The following ERO1A variants were observed in gnomAD, a reference collection of about 807,000 sequenced individuals.
The protein encoded by ERO1A is ERO1-like protein alpha.
ERO1A carries 49 observed loss-of-function variants against 76.9 expected under a neutral mutation model. The observed-to-expected ratio is 0.64, with a 90% CI of 0.51 to 0.81. The LOEUF is 0.81. Among genes scored for constraint, ERO1A ranks in the 30% least tolerant of loss-of-function variants. ERO1A has a pLI of 0.00. For synonymous variants in ERO1A, 174 were observed against 181.2 expected, an observed-to-expected ratio of 0.96 and a Z score of 0.32; for missense variants, 448 against 542.1, an observed-to-expected ratio of 0.83 and a Z score of 1.72.
intron 4 of ERO1A, among the ~76,000 whole-genome samples, chr14:52,674,195 G>A (rs956312989): frequency 9.2e-5 from 14 of 152,022 alleles, no homozygotes; most frequent in African/African-American, 3.1e-4. Flanking sequence ...TCAGTCTATC[G>A]ATTAAATGAA....
chr14:52,689,707 C>T (rs1566648642), intron 1 of ERO1A, among the ~76,000 whole-genome samples: 1 of 152,002 alleles, frequency 6.6e-6, no homozygotes, highest in East Asian at 1.9e-4. Flanking sequence ...AAGCCCATAC[C>T]ACCCAAAGTG....
chr14:52,690,638 T>G (rs751096995), intron 1 of ERO1A, among the ~76,000 whole-genome samples: 12 of 151,974 alleles, frequency 7.9e-5, no homozygotes, highest in Middle Eastern at 3.4e-3. Flanking sequence ...GAGGCAGAGT[T>G]TGCAGTGAGC....
At position 52,685,538 on chromosome 14, in the gene ERO1A, G is replaced by A. The variant is rs567012992; in HGVS notation, c.115-1631C>T. Among the ~76,000 whole-genome samples the A allele has an allele frequency of 2.0e-5, 3 of 152,202 alleles. No homozygotes were observed. In the East Asian group the frequency reaches 5.8e-4, roughly 29 times the overall value. On this transcript the variant is annotated intron_variant, in intron 1 of 15. Transcript: ENST00000395686. ...AATAGCTGTTTCTCCCCTTTGATAT[G>A]AATTATTATGCAAAGAATGACAGAC...
intron 11 of ERO1A, among the ~76,000 whole-genome samples, chr14:52,657,382 T>A (rs1234519224): frequency 6.6e-6 from 1 of 152,172 alleles, no homozygotes; most frequent in East Asian, 1.9e-4. Context: ...AGTGAGACCC[T>A]GTCTCAATCA....
chr14:52,695,305 T>A, intron 1 of ERO1A, 63 bp downstream of exon 1: 4 of 1,143,256 alleles, frequency 3.5e-6, no homozygotes, highest in Non-Finnish European at 4.6e-6. Context: ...CGCCAGGGCG[T>A]GCGGGACAGT....
chr14:52,666,426 C>T lies in ERO1A; in HGVS notation c.578G>A (p.Gly193Glu). 1 of 1,610,454 alleles carries T rather than the reference C, an allele frequency of 6.2e-7. No individual in the cohort carries two copies. Among genetic ancestry groups the T allele is most frequent in the Non-Finnish European group, 8.5e-7 (1 of 1,177,968 alleles). Residue 193 changes from glycine to glutamate, a missense_variant, in exon 7 of 16, where the codon GGA becomes GAA. By Grantham distance (98) the Gly-to-Glu change is moderately conservative. Transcript: ENST00000395686. ...ATTCCATATTTTCCAAGCATCTGGT[C>T]CCTTGTAACCAGTGTAGCGCTCAGG... is the stretch of plus-strand genomic sequence containing the variant. ...LNPERYTGYK[G>E]PDAWKIWNVI...
intron 9 of ERO1A, among the ~76,000 whole-genome samples, chr14:52,659,394 G>T (rs556363107): frequency 6.6e-6 from 1 of 152,204 alleles, no homozygotes; most frequent in South Asian, 2.1e-4. Context: ...CTTATATATA[G>T]AAAACATAAA....
chr14:52,677,855 C>T (rs2040848479), intron 4 of ERO1A, among the ~76,000 whole-genome samples: 1 of 118,792 alleles, frequency 8.4e-6, no homozygotes, highest in Admixed American at 9.3e-5. Context: ...AGAGCCAGAC[C>T]TTTTATCTTA....
At chr14:52,679,923 C>T (rs753313129) in intron 3 of ERO1A, among the ~76,000 whole-genome samples, 8 of 151,696 alleles carry the variant, frequency 5.3e-5, no homozygotes, top group Non-Finnish European at 8.8e-5. Flanking sequence ...ATGATGTGTG[C>T]CTGTAGTCCG....
chr14:52,689,618 G>C (rs1367631311), intron 1 of ERO1A, among the ~76,000 whole-genome samples: 2 of 151,884 alleles, frequency 1.3e-5, no homozygotes, highest in Non-Finnish European at 2.9e-5. Flanking sequence ...ATAAAGCAGT[G>C]ATTAAAAAAA....
intron 8 of ERO1A, among the ~76,000 whole-genome samples, chr14:52,663,435 T>C (rs1333154081): frequency 1.3e-5 from 2 of 151,702 alleles, no homozygotes; most frequent in African/African-American, 4.8e-5. Flanking sequence ...TCATCTCTAC[T>C]AAAAATACAA....
intron 11 of ERO1A, among the ~76,000 whole-genome samples, chr14:52,654,803 T>C (rs2039989685): frequency 6.6e-6 from 1 of 152,218 alleles, no homozygotes; most frequent in South Asian, 2.1e-4. Context: ...AACTGTGTAT[T>C]CATCACAGCC....
intron 8 of ERO1A, among the ~76,000 whole-genome samples, chr14:52,663,022 G>C (rs1162835258): frequency 6.6e-6 from 1 of 152,166 alleles, no homozygotes; most frequent in South Asian, 2.1e-4. Flanking sequence ...CTGGTTACAA[G>C]GACCAGGGAA....
At position 52,658,158 on chromosome 14, in the gene ERO1A, C is replaced by A; in HGVS notation, c.689-8G>T. The stretch of plus-strand genomic sequence containing the variant: ...AACTGTAAAAAGTGTTCTCTGAAAT[C>A]AAAAGAAAAATAAGTCATAAGAATA... On this transcript the variant is annotated splice_polypyrimidine_tract_variant and splice_region_variant and intron_variant, in intron 9 of 15. Transcript: ENST00000395686. 1.3e-6 allele frequency: 2 copies of A among 1,489,732 alleles called. No individual in the cohort carries two copies. The highest frequency in any genetic ancestry group is 2.0e-5 in the Admixed American group (1 of 49,748). 92.3% of individuals were successfully genotyped at this position (1,489,732 alleles called of 1,614,324 possible). A position where few individuals can be genotyped will look rare whatever the true frequency, so the allele number is the denominator to read the frequency against.
At chr14:52,676,032 T>A (rs944755644) in intron 4 of ERO1A, among the ~76,000 whole-genome samples, 1 of 152,214 alleles carries the variant, frequency 6.6e-6, no homozygotes, top group Non-Finnish European at 1.5e-5. Flanking sequence ...TGTTGCAAAG[T>A]AGACACTGAG....
At chr14:52,666,630 A>G (rs1433138982) in intron 6 of ERO1A, 135 bp from the exon 7 acceptor site, 2 of 848,170 alleles carry the variant, frequency 2.4e-6, no homozygotes, top group South Asian at 1.9e-5. Flanking sequence ...ACAACTTTTC[A>G]GGAGAAACAA....
intron 6 of ERO1A, among the ~76,000 whole-genome samples, chr14:52,668,548 A>G (rs1356250319): frequency 6.6e-6 from 1 of 151,840 alleles, no homozygotes; most frequent in Admixed American, 6.6e-5. Context: ...TCTGCCTCGG[A>G]AAAAAAATAA....
chr14:52,651,035 G>A (rs2039845738), intron 13 of ERO1A, among the ~76,000 whole-genome samples: 1 of 151,232 alleles, frequency 6.6e-6, no homozygotes, highest in Non-Finnish European at 1.5e-5. Flanking sequence ...TTGGAAGGCT[G>A]AGGTGGGAGG....
At chr14:52,686,642 C>T (rs2041185464) in intron 1 of ERO1A, among the ~76,000 whole-genome samples, 1 of 152,164 alleles carries the variant, frequency 6.6e-6, no homozygotes, top group Non-Finnish European at 1.5e-5. Flanking sequence ...CTTTGGGTGG[C>T]CGAGGCAGGC....
Sources: gnomAD v4.1 joint callset for allele counts (sites outside exome capture counted in the v4.1 genomes callset) on GRCh38, gnomAD v4.1.1 for gene constraint, MANE v1.5 for transcripts, NCBI Gene and HGNC (gene_info 2026-07-23, HGNC 2026-07-21) for gene names.